HOGA1: variants seen among roughly 807,000 people sequenced by gnomAD.
HOGA1 encodes the protein 4-hydroxy-2-oxoglutarate aldolase, mitochondrial.
Under a neutral mutation model 34.3 loss-of-function variants are expected in HOGA1, and 30 were observed. The ratio of observed to expected loss-of-function variants is 0.87; its 90% confidence interval spans 0.65 to 1.19. HOGA1 has a LOEUF of 1.19. Ranked by LOEUF, HOGA1 falls within the 50% of genes most tolerant of loss-of-function variation. The pLI is 0.00. For synonymous variants in HOGA1, 161 were observed against 174.0 expected, an observed-to-expected ratio of 0.93 and a Z score of 0.59; for missense variants, 417 against 436.5, an observed-to-expected ratio of 0.96 and a Z score of 0.40.
intron 6 of HOGA1, among the ~76,000 whole-genome samples, chr10:97,604,726 A>G (rs1166959654): frequency 6.6e-6 from 1 of 152,098 alleles, no homozygotes; most frequent in Non-Finnish European, 1.5e-5. Context: ...TCACACCTGT[A>G]ATCCCAGCAC....
chr10:97,599,592 G>A, intron 3 of HOGA1, 88 bp from the exon 4 acceptor site: 1 of 1,560,662 alleles, frequency 6.4e-7, no homozygotes, highest in Non-Finnish European at 8.8e-7. Flanking sequence ...TAGTGAAGCA[G>A]GCTGGGACCT....
At chr10:97,598,069 T>C (rs2041084599) in intron 1 of HOGA1, among the ~76,000 whole-genome samples, 1 of 152,230 alleles carries the variant, frequency 6.6e-6, no homozygotes, top group Non-Finnish European at 1.5e-5. Flanking sequence ...ACAGAAGACT[T>C]TACAGAAAAT....
Position 97,611,851 on chromosome 10 carries a change from CT to C in HOGA1, c.*193del. 1 of 615,712 alleles carries C rather than the reference CT, an allele frequency of 1.6e-6. No individual in the cohort carries two copies. The highest frequency in any genetic ancestry group is 2.0e-5 in the South Asian group (1 of 50,708). The allele number at this position is 615,712 out of a possible 1,614,324, so 38.1% of individuals were successfully genotyped here. A position where few individuals can be genotyped will look rare whatever the true frequency, so the allele number is the denominator to read the frequency against. ...TGCATATCTCCTATTCTAACGGCCC[CT>C]GACCTCTCCCTTTTGGATCCTAAAC... On this transcript the variant is annotated 3_prime_UTR_variant, in exon 7 of 7. Transcript: ENST00000370646.
chr10:97,591,446 T>A (rs1262174718), intron 1 of HOGA1, among the ~76,000 whole-genome samples: 1 of 151,756 alleles, frequency 6.6e-6, no homozygotes, highest in Non-Finnish European at 1.5e-5. Flanking sequence ...AATTTAATTT[T>A]AAGTTCTGAG....
rs2041207032 is a variant in HOGA1 at position 97,612,668 on chromosome 10, C to T, written c.*1009C>T. 1.3e-5 allele frequency: 2 copies of T among 152,326 alleles called. No individual in the cohort carries two copies. The highest frequency in any genetic ancestry group is 3.4e-3 in the Middle Eastern group (1 of 294). The allele number at this position is 152,326 out of a possible 1,614,324, so 9.4% of individuals were successfully genotyped here. On this transcript the variant is annotated 3_prime_UTR_variant, in exon 7 of 7. Coordinates refer to ENST00000370646, the MANE Select transcript of HOGA1 (RefSeq NM_138413.4). ...TGGATAAATGTTACATTCTAGAAGACTATTCTGGTCAGCCTAGGTCTGAAA... is the reference window on the plus strand; with the variant it reads ...TGGATAAATGTTACATTCTAGAAGATTATTCTGGTCAGCCTAGGTCTGAAA...
rs375642217 is a variant in HOGA1 at position 97,611,710 on chromosome 10, G to C, written c.*51G>C. 2.5e-6 allele frequency: 4 copies of C among 1,581,610 alleles called. No homozygotes were observed. Among genetic ancestry groups the C allele is most frequent in the Non-Finnish European group, 3.4e-6 (4 of 1,166,910 alleles). On this transcript the variant is annotated 3_prime_UTR_variant, in exon 7 of 7. Coordinates refer to ENST00000370646, the MANE Select transcript of HOGA1 (RefSeq NM_138413.4). Reference sequence around the variant, plus strand: ...TGAGCCCATCTCAGCCTCCTGCCTTGCACTTGCAGCCTGAAGCGGAGAGCA... The same window carrying C: ...TGAGCCCATCTCAGCCTCCTGCCTTCCACTTGCAGCCTGAAGCGGAGAGCA...
chr10:97,609,486 C>G (rs761757793), intron 6 of HOGA1, among the ~76,000 whole-genome samples: 72 of 152,292 alleles, frequency 4.7e-4, no homozygotes, highest in Non-Finnish European at 8.5e-4. Flanking sequence ...CTCTCCTGTG[C>G]CAGCTCTGGG....
At chr10:97,596,914 C>T (rs576123611) in intron 1 of HOGA1, among the ~76,000 whole-genome samples, 19 of 152,064 alleles carry the variant, frequency 1.2e-4, no homozygotes, top group African/African-American at 3.4e-4. Flanking sequence ...TGTGTTTCTC[C>T]GGGGCAGTTG....
At chr10:97,606,128 C>CAAAAAAA (rs60230634) in intron 6 of HOGA1, among the ~76,000 whole-genome samples, 9 of 95,212 alleles carry the variant, frequency 9.5e-5, no homozygotes, top group African/African-American at 2.9e-4. Flanking sequence ...ACTAAAAATA[C>CAAAAAAA]AAAAAAAAAA....
At position 97,599,230 on chromosome 10, in the gene HOGA1, C is replaced by T; in HGVS notation, c.468+14C>T. On this transcript the variant is annotated intron_variant, in intron 3 of 6. Coordinates refer to ENST00000370646, the MANE Select transcript of HOGA1 (RefSeq NM_138413.4). ...CACTACACCAAGGTGTGTGTGAGGC[C>T]TGAGACCAAGAGGAGGCTCTGCCCA... 1.9e-6 allele frequency: 3 copies of T among 1,613,886 alleles called. No homozygotes were observed. The highest frequency in any genetic ancestry group is 1.1e-5 in the South Asian group (1 of 91,066).
At position 97,584,452 on chromosome 10, in the gene HOGA1, T is replaced by C; in HGVS notation, c.-252T>C. 2.1e-6 allele frequency: 1 copy of C among 487,236 alleles called. No individual in the cohort carries two copies. Among genetic ancestry groups the C allele is most frequent in the Non-Finnish European group, 3.6e-6 (1 of 276,446 alleles). The allele number at this position is 487,236 out of a possible 1,614,324, so 30.2% of individuals were successfully genotyped here. A position where few individuals can be genotyped will look rare whatever the true frequency, so the allele number is the denominator to read the frequency against. On this transcript the variant is annotated 5_prime_UTR_variant, in exon 1 of 7. Coordinates refer to ENST00000370646, the MANE Select transcript of HOGA1 (RefSeq NM_138413.4). The stretch of plus-strand genomic sequence containing the variant: ...ATTGGGATCCCAGAAACCAGTCCTA[T>C]ATCTGGCCAGAGGGACACTGGGTTG...
intron 3 of HOGA1, 163 bp downstream of exon 3, chr10:97,599,379 G>GTGTTAC: frequency 1.2e-6 from 1 of 808,872 alleles, no homozygotes; most frequent in South Asian, 1.7e-5. Flanking sequence ...TGACCACTCT[G>GTGTTAC]TGTTACTGCT....
Position 97,611,552 on chromosome 10 carries a change from GA to G in HOGA1, c.878del (p.Asp293AlafsTer17). The G allele has an allele frequency of 1.9e-6, 3 of 1,614,250 alleles. No individual in the cohort carries two copies. Among genetic ancestry groups the G allele is most frequent in the Non-Finnish European group, 2.5e-6 (3 of 1,180,040 alleles). On this transcript the variant is annotated frameshift_variant, in exon 7 of 7. Transcript: ENST00000370646. LOFTEE classifies it high-confidence loss of function. ...GATCCCAGGGCTGAAGAAAATCATG[GA>G]CTGGTTTGGCTACTATGGAGGCCCC... ...FGIPGLKKIM[D>X]WFGYYGGPCR...
chr10:97,599,327 A>G, intron 3 of HOGA1, 111 bp downstream of exon 3: 1 of 1,302,676 alleles, frequency 7.7e-7, no homozygotes, highest in Non-Finnish European at 1.1e-6. Context: ...AAACGGGTGG[A>G]CTGCCACCAT....
At chr10:97,590,099 GAGGTC>G (rs1564755367) in intron 1 of HOGA1, 1 of 1,614,152 alleles carries the variant, frequency 6.2e-7, no homozygotes, top group Non-Finnish European at 8.5e-7. Context: ...TGGGAGTGAA[GAGGTC>G]AGCTCCACGG....
intron 1 of HOGA1, chr10:97,590,164 G>T (rs1410995494): frequency 6.2e-7 from 1 of 1,613,956 alleles, no homozygotes; most frequent in African/African-American, 1.3e-5. Flanking sequence ...GCTCCGCTCT[G>T]CACCGGGAAT....
chr10:97,599,326 G>A (rs1370880456), intron 3 of HOGA1, 110 bp downstream of exon 3: 1 of 1,314,604 alleles, frequency 7.6e-7, no homozygotes, highest in South Asian at 1.3e-5. Context: ...GAAACGGGTG[G>A]ACTGCCACCA....
chr10:97,601,265 T>G (rs1436203388), intron 5 of HOGA1, among the ~76,000 whole-genome samples: 1 of 152,162 alleles, frequency 6.6e-6, no homozygotes, highest in Non-Finnish European at 1.5e-5. Flanking sequence ...CTTGCAGAAG[T>G]GGCGGGGGTT....
chr10:97,599,648 T>G, intron 3 of HOGA1, 32 bp from the exon 4 acceptor site: 3 of 1,613,084 alleles, frequency 1.9e-6, no homozygotes, highest in Non-Finnish European at 2.5e-6. Context: ...GCGGCTGCCC[T>G]CTCCTGCTTT....
Sources: allele counts gnomAD v4.1 joint callset (sites outside exome capture counted in the v4.1 genomes callset), GRCh38; gene constraint gnomAD v4.1.1; transcripts MANE v1.5; gene names NCBI Gene and HGNC (gene_info 2026-07-23, HGNC 2026-07-21).